The following LOC400499 variants were observed in gnomAD, a reference collection of about 807,000 sequenced individuals.
At chr16:11,381,621 T>A in the LOC400499 span, among the ~76,000 whole-genome samples, 1 of 152,192 alleles carries the variant, frequency 6.6e-6, no homozygotes, top group Admixed American at 6.6e-5. Flanking sequence ...CGTCGGTGGA[T>A]CCCTTGAGTA....
the LOC400499 span, among the ~76,000 whole-genome samples, chr16:11,416,435 G>C: frequency 6.6e-6 from 1 of 152,062 alleles, no homozygotes; most frequent in Non-Finnish European, 1.5e-5. Flanking sequence ...CAACCTCTCT[G>C]AGCCTCCATT....
At chr16:11,420,508 T>C in the LOC400499 span, among the ~76,000 whole-genome samples, 1 of 148,598 alleles carries the variant, frequency 6.7e-6, no homozygotes, top group East Asian at 2.1e-4. Context: ...GACGAGTTAA[T>C]GGGTGCAGCA....
At chr16:11,376,378 T>C in the LOC400499 span, among the ~76,000 whole-genome samples, 2 of 152,030 alleles carry the variant, frequency 1.3e-5, no homozygotes, top group Non-Finnish European at 2.9e-5. Context: ...CAACATGTTA[T>C]AAGGTAAGAG....
the LOC400499 span, chr16:11,372,789 G>T: frequency 1.1e-6 from 1 of 905,230 alleles, no homozygotes; most frequent in South Asian, 5.0e-5. Context: ...CTGAGGAGAG[G>T]GGCCCCTGCT....
chr16:11,452,210 T>G, the LOC400499 span, among the ~76,000 whole-genome samples: 14 of 151,636 alleles, frequency 9.2e-5, no homozygotes, highest in East Asian at 5.8e-4. Context: ...TGTTTGTTTT[T>G]TTTTTTTTTT....
the LOC400499 span, chr16:11,467,261 A>G: frequency 1.4e-5 from 2 of 139,374 alleles, no homozygotes; most frequent in African/African-American, 5.5e-5. Flanking sequence ...CTGCCAAGCT[A>G]TATTTTTGAG....
the LOC400499 span, among the ~76,000 whole-genome samples, chr16:11,384,587 G>C: frequency 6.6e-6 from 1 of 152,212 alleles, no homozygotes; most frequent in South Asian, 2.1e-4. Context: ...CAAGTGGCTG[G>C]AATCCAGGCC....
the LOC400499 span, among the ~76,000 whole-genome samples, chr16:11,376,031 G>A: frequency 3.7e-4 from 56 of 152,262 alleles, no homozygotes; most frequent in South Asian, 1.0e-3. Context: ...GAGCCACCGC[G>A]CCGGGCCCTT....
chr16:11,494,595 C>A, the LOC400499 span: 1 of 399,048 alleles, frequency 2.5e-6, no homozygotes, highest in East Asian at 3.6e-5. Flanking sequence ...TCCGAGGGCT[C>A]CTGGATGGTA....
the LOC400499 span, chr16:11,494,757 G>A: frequency 5.0e-6 from 2 of 399,068 alleles, no homozygotes; most frequent in Non-Finnish European, 8.8e-6. Flanking sequence ...GTCTGGAGCA[G>A]TGGCTGGGGA....
At chr16:11,480,247 G>A in the LOC400499 span, among the ~76,000 whole-genome samples, 3 of 152,184 alleles carry the variant, frequency 2.0e-5, no homozygotes, top group Admixed American at 6.5e-5. Context: ...ACAGACAAAG[G>A]GGATTGTGCA....
chr16:11,420,449 TG>T, the LOC400499 span, among the ~76,000 whole-genome samples: 4 of 30,262 alleles, frequency 1.3e-4, no homozygotes, highest in East Asian at 9.8e-4. Flanking sequence ...TGTTGTGGGG[TG>T]GGGGGAGGGG....
the LOC400499 span, chr16:11,424,483 T>A: frequency 2.5e-6 from 1 of 397,870 alleles, no homozygotes; most frequent in Non-Finnish European, 4.4e-6. Context: ...CTGAGCCCCA[T>A]AGCTCCAGGT....
the LOC400499 span, chr16:11,399,566 GCCTGGAGGCTGTTCAGGCCCCAGGTTT>G: frequency 2.5e-6 from 1 of 398,802 alleles, no homozygotes; most frequent in South Asian, 1.3e-4. Context: ...GGCCCCGCAG[GCCTGGAGGCTGTTCAGGCCCCAGGTTT>G]CCTGGAGCTG....
At chr16:11,438,344 G>A in the LOC400499 span, among the ~76,000 whole-genome samples, 7 of 152,296 alleles carry the variant, frequency 4.6e-5, no homozygotes, top group South Asian at 1.5e-3. Flanking sequence ...GATACAGACT[G>A]ACTTCAGGGA....
chr16:11,447,303 CTAAAA>C, the LOC400499 span, among the ~76,000 whole-genome samples: 1 of 152,030 alleles, frequency 6.6e-6, no homozygotes, highest in African/African-American at 2.4e-5. Context: ...AAAACGGAGG[CTAAAA>C]TAATACTGAT....
chr16:11,435,554 G>T, the LOC400499 span: 1 of 398,144 alleles, frequency 2.5e-6, no homozygotes, highest in Non-Finnish European at 4.4e-6. Context: ...GTGGTCTCAG[G>T]GGAACAGAAG....
chr16:11,439,551 C>G, the LOC400499 span: 2 of 399,120 alleles, frequency 5.0e-6, no homozygotes, highest in Non-Finnish European at 8.8e-6. Context: ...AATGCAAAGT[C>G]GGAGTCAGAT....
chr16:11,510,129 T>C, the LOC400499 span, among the ~76,000 whole-genome samples: 9 of 151,778 alleles, frequency 5.9e-5, no homozygotes, highest in Non-Finnish European at 7.4e-5. Context: ...TAAACTTCCC[T>C]GAGCCCCGCT....
Sources: gnomAD v4.1 joint callset for allele counts (sites outside exome capture counted in the v4.1 genomes callset) on GRCh38, gnomAD v4.1.1 for gene constraint, MANE v1.5 for transcripts.